The following MLLT3 variants were observed in gnomAD, a reference collection of about 807,000 sequenced individuals.
MLLT3 encodes the protein MLLT3 super elongation complex subunit.
A neutral mutation model predicts 53.2 loss-of-function variants in MLLT3; 4 were observed. That is an observed-to-expected ratio of 0.08 (90% CI 0.04 to 0.17). The LOEUF is 0.17. Ranked by LOEUF, MLLT3 falls within the 10% of genes least tolerant of loss-of-function variation. MLLT3 has a pLI of 1.00. For synonymous variants in MLLT3, 283 were observed against 230.6 expected, an observed-to-expected ratio of 1.23 and a Z score of -2.06; for missense variants, 569 against 684.0, an observed-to-expected ratio of 0.83 and a Z score of 1.87.
intron 2 of MLLT3, among the ~76,000 whole-genome samples, chr9:20,574,404 G>A (rs547732107): frequency 7.8e-4 from 119 of 152,292 alleles, no homozygotes; most frequent in African/African-American, 2.8e-3. Flanking sequence ...ATACCTATGA[G>A]ATATTGCAAG....
intron 2 of MLLT3, among the ~76,000 whole-genome samples, chr9:20,513,626 C>T (rs1373039898): frequency 6.6e-6 from 1 of 152,098 alleles, no homozygotes; most frequent in Non-Finnish European, 1.5e-5. Context: ...GAGTGGCTAC[C>T]GTGGCGTATC....
chr9:20,570,798 G>A (rs1222450069), intron 2 of MLLT3, among the ~76,000 whole-genome samples: 1 of 144,824 alleles, frequency 6.9e-6, no homozygotes, highest in Non-Finnish European at 1.5e-5. Context: ...CTATAGGTCT[G>A]GATTAAGTCC....
At chr9:20,390,870 C>G (rs7029624) in intron 5 of MLLT3, among the ~76,000 whole-genome samples, 2 of 152,034 alleles carry the variant, frequency 1.3e-5, no homozygotes, top group African/African-American at 4.8e-5. Context: ...CCCAGCTACT[C>G]GGGAGGCGGA....
Position 20,621,850 on chromosome 9 carries a change from T to C in MLLT3, c.12+395A>G. ...CGCGTCCCCGGACTGTGCCCGCAGC[T>C]CCCGGCGGCGGCGGCTGAAATATGG... On this transcript the variant is annotated intron_variant, in intron 1 of 10. Transcript: ENST00000380338. The surrounding 1 kb of genome is among the most constrained non-coding windows in gnomAD (Gnocchi z 7.0). 1 of 1,387,536 alleles carries C rather than the reference T, an allele frequency of 7.2e-7. No individual in the cohort carries two copies. The highest frequency in any genetic ancestry group is 1.6e-5 in the South Asian group (1 of 61,164). 86.0% of individuals were successfully genotyped at this position (1,387,536 alleles called of 1,614,324 possible).
At chr9:20,435,355 AAAG>A (rs1823376150) in intron 4 of MLLT3, among the ~76,000 whole-genome samples, 1 of 152,118 alleles carries the variant, frequency 6.6e-6, no homozygotes. Context: ...TTTTTAAAAA[AAAG>A]AAGAAACTGA....
At chr9:20,366,900 G>A (rs539296307) in intron 5 of MLLT3, among the ~76,000 whole-genome samples, 1 of 152,300 alleles carries the variant, frequency 6.6e-6, no homozygotes, top group African/African-American at 2.4e-5. Flanking sequence ...TGTAATGTTC[G>A]ATTGACTCAA....
intron 2 of MLLT3, among the ~76,000 whole-genome samples, chr9:20,598,081 T>G (rs554955684): frequency 6.6e-6 from 1 of 152,348 alleles, no homozygotes; most frequent in Admixed American, 6.5e-5. Context: ...AGATCTATTT[T>G]TGGATTCATA....
intron 2 of MLLT3, among the ~76,000 whole-genome samples, chr9:20,473,452 A>G (rs1230939710): frequency 1.3e-5 from 2 of 152,270 alleles, no homozygotes; most frequent in East Asian, 3.9e-4. Flanking sequence ...AAAATGTTCA[A>G]GAGTAAAATT....
chr9:20,456,496 A>C (rs1436739014), intron 3 of MLLT3, among the ~76,000 whole-genome samples: 2 of 152,226 alleles, frequency 1.3e-5, no homozygotes, highest in Non-Finnish European at 1.5e-5. Flanking sequence ...ATTTCACATA[A>C]TCTGACTTCA....
intron 2 of MLLT3, among the ~76,000 whole-genome samples, chr9:20,457,172 A>C (rs547377314): frequency 6.7e-5 from 10 of 148,416 alleles, no homozygotes; most frequent in Non-Finnish European, 1.3e-4. Context: ...ATCTGCATCT[A>C]GTCTTTGATG....
chr9:20,541,078 C>T (rs1818617657), intron 2 of MLLT3, among the ~76,000 whole-genome samples: 1 of 152,168 alleles, frequency 6.6e-6, no homozygotes, highest in Admixed American at 6.5e-5. Flanking sequence ...ATGCCACCAG[C>T]CTTTTTGCTA....
Position 20,479,802 on chromosome 9 carries a change from C to G in MLLT3, c.194-23016G>C, listed in dbSNP as rs1365778225. ...AGATAACATTCATTTGTATATATAA[C>G]CAAATTTGGATAAAGACCATGAAAT... is the stretch of plus-strand genomic sequence containing the variant. On this transcript the variant is annotated intron_variant, in intron 2 of 10. Transcript: ENST00000380338. 2.0e-5 allele frequency among the ~76,000 whole-genome samples: 3 copies of G among 152,208 alleles called. No homozygotes were observed. The East Asian group carries it at 5.8e-4, about 29-fold the overall frequency.
At chr9:20,553,841 T>A (rs1376775988) in intron 2 of MLLT3, among the ~76,000 whole-genome samples, 6 of 151,998 alleles carry the variant, frequency 3.9e-5, no homozygotes, top group Admixed American at 6.6e-5. Context: ...TTTTTTTTTT[T>A]AATTTACAAT....
chr9:20,488,666 C>G (rs1230629260), intron 2 of MLLT3, among the ~76,000 whole-genome samples: 2 of 152,096 alleles, frequency 1.3e-5, no homozygotes, highest in Non-Finnish European at 2.9e-5. Context: ...CTGATTCTTT[C>G]AAAGAGCTTC....
intron 3 of MLLT3, among the ~76,000 whole-genome samples, chr9:20,454,614 A>G: frequency 6.6e-6 from 1 of 152,198 alleles, no homozygotes; most frequent in East Asian, 1.9e-4. Flanking sequence ...TCTTTGAGTT[A>G]AGAACTTTGC....
chr9:20,462,432 T>G (rs116049782), intron 2 of MLLT3, among the ~76,000 whole-genome samples: 1,799 of 152,280 alleles, frequency 0.012, 40 homozygotes, highest in African/African-American at 0.041. Context: ...AAAAACCTAA[T>G]TGCTTCCTAT....
intron 2 of MLLT3, among the ~76,000 whole-genome samples, chr9:20,514,170 G>C (rs897151605): frequency 6.6e-6 from 1 of 152,154 alleles, no homozygotes; most frequent in Non-Finnish European, 1.5e-5. Context: ...GAAGTGTAGG[G>C]GTGTACATTT....
intron 5 of MLLT3, among the ~76,000 whole-genome samples, chr9:20,374,177 G>C (rs1041611058): frequency 6.6e-6 from 1 of 152,204 alleles, no homozygotes; most frequent in Middle Eastern, 3.2e-3. Context: ...GAAGCCAGGA[G>C]TTCAAGACCA....
chr9:20,408,935 G>A (rs541990940), intron 5 of MLLT3, among the ~76,000 whole-genome samples: 1 of 151,826 alleles, frequency 6.6e-6, no homozygotes, highest in East Asian at 1.9e-4. Context: ...CATTTATCCT[G>A]CATCGGAATC....
Sources: allele counts gnomAD v4.1 joint callset (sites outside exome capture counted in the v4.1 genomes callset), GRCh38; gene constraint gnomAD v4.1.1; non-coding constraint Gnocchi (gnomAD v3.1); transcripts MANE v1.5; gene names NCBI Gene and HGNC (gene_info 2026-07-23, HGNC 2026-07-21).